ARSG: variants seen among roughly 807,000 people sequenced by gnomAD.
The protein encoded by ARSG is arylsulfatase G.
In ARSG, 37 loss-of-function variants were observed where a neutral mutation model predicts 50.5. The ratio of observed to expected loss-of-function variants is 0.73; its 90% CI spans 0.56 to 0.96. ARSG has a LOEUF of 0.96. Among genes scored for constraint, ARSG ranks in the 50% least tolerant of loss-of-function variants. The probability of loss-of-function intolerance (pLI) is 0.00; values close to 1 mark genes in which losing one functional copy is unlikely to be tolerated. For missense variants in ARSG, 629 were observed against 675.3 expected, an observed-to-expected ratio of 0.93 and a Z score of 0.76; for synonymous variants, 225 against 254.6, an observed-to-expected ratio of 0.88 and a Z score of 1.11.
At chr17:68,433,639 A>C in the ARSG span, 1 of 1,332,266 alleles carries the variant, frequency 7.5e-7, no homozygotes, top group Admixed American at 1.9e-5. Flanking sequence ...CTTATAACTC[A>C]GAGATCAGCT....
downstream of ARSG, chr17:68,427,084 G>T (rs768629032): frequency 6.8e-7 from 1 of 1,469,716 alleles, no homozygotes; most frequent in African/African-American, 1.4e-5. Context: ...GGGAGAAGGG[G>T]AGGGAGGTCA....
At chr17:68,350,601 C>T (rs1268702241) in intron 4 of ARSG, among the ~76,000 whole-genome samples, 2 of 151,694 alleles carry the variant, frequency 1.3e-5, no homozygotes, top group Admixed American at 6.6e-5. Flanking sequence ...CTGGCTAACA[C>T]GGTGAAAACC....
intron 1 of ARSG, among the ~76,000 whole-genome samples, chr17:68,276,917 T>C (rs1555751146): frequency 6.6e-6 from 1 of 152,192 alleles, no homozygotes; most frequent in African/African-American, 2.4e-5. Context: ...TGAAGCCCCA[T>C]TTTATTTTAT....
downstream of ARSG, among the ~76,000 whole-genome samples, chr17:68,425,148 A>C (rs2083075604): frequency 6.6e-6 from 1 of 152,176 alleles, no homozygotes; most frequent in African/African-American, 2.4e-5. Context: ...AACCCAGCTA[A>C]AGGTGCTCGG....
At chr17:68,262,176 A>C (rs117193602) in intron 1 of ARSG, among the ~76,000 whole-genome samples, 49,279 of 149,224 alleles carry the variant, frequency 0.33, 8,311 homozygotes, top group East Asian at 0.51. Flanking sequence ...CAAACAAAAA[A>C]AAAAAAAAGA....
chr17:68,280,179 C>CAAAAAAAAAAAAAAAAAAAAAAAAAAAA (rs58937538), intron 1 of ARSG, among the ~76,000 whole-genome samples: 1 of 87,568 alleles, frequency 1.1e-5, no homozygotes, highest in Admixed American at 1.3e-4. Flanking sequence ...AACTCTGTCT[C>CAAAAAAAAAAAAAAAAAAAAAAAAAAAA]AAAAAAAAAA....
chr17:68,382,822 A>T (rs1260590775), intron 8 of ARSG, among the ~76,000 whole-genome samples: 1 of 152,178 alleles, frequency 6.6e-6, no homozygotes, highest in Admixed American at 6.5e-5. Context: ...AGGTCTGTGG[A>T]CCTGTGATCA....
chr17:68,398,552 G>T (rs527962882), intron 10 of ARSG, among the ~76,000 whole-genome samples: 1 of 152,334 alleles, frequency 6.6e-6, no homozygotes, highest in African/African-American at 2.4e-5. Context: ...ATTCCAATAT[G>T]AGTTGGTTTA....
At chr17:68,280,911 G>A (rs2075674024) in intron 1 of ARSG, among the ~76,000 whole-genome samples, 1 of 152,080 alleles carries the variant, frequency 6.6e-6, no homozygotes, top group Non-Finnish European at 1.5e-5. Flanking sequence ...GATTACCTGA[G>A]CTAAGGCGTT....
chr17:68,381,984 T>C lies in ARSG; in HGVS notation c.983-3080T>C, dbSNP rs2080455373. ...TCCTTTTTTTTTTTTTGACAGAGTCTCTGTCGTGCAGGCTGGAGTGAAGTG... is the reference window on the plus strand; with the variant it reads ...TCCTTTTTTTTTTTTTGACAGAGTCCCTGTCGTGCAGGCTGGAGTGAAGTG... On this transcript the variant is annotated intron_variant, in intron 8 of 11. Coordinates refer to ENST00000621439, the MANE Select transcript of ARSG (RefSeq NM_001267727.2). This position sits in a 1 kb window ranked among gnomAD's most constrained non-coding sequence, Gnocchi z 4.1. Among the ~76,000 whole-genome samples, 1 of 146,080 alleles carries C rather than the reference T, an allele frequency of 6.8e-6. No individual in the cohort carries two copies.
At chr17:68,353,853 T>C (rs1179732099) in intron 5 of ARSG, among the ~76,000 whole-genome samples, 3 of 151,966 alleles carry the variant, frequency 2.0e-5, no homozygotes, top group Non-Finnish European at 4.4e-5. Context: ...AGGCTTGTGT[T>C]ACCATGCCTG....
At chr17:68,382,041 C>T (rs1009583233) in intron 8 of ARSG, among the ~76,000 whole-genome samples, 2 of 151,932 alleles carry the variant, frequency 1.3e-5, no homozygotes, top group Admixed American at 6.6e-5. Flanking sequence ...ACCTCCGCCT[C>T]CCGGGTTCAA....
intron 1 of ARSG, among the ~76,000 whole-genome samples, chr17:68,299,384 C>T (rs2076330115): frequency 6.6e-6 from 1 of 151,944 alleles, no homozygotes; most frequent in African/African-American, 2.4e-5. Context: ...GGATTACAGG[C>T]ATGAGCCACC....
In ARSG at chr17:68,329,472, G is replaced by A. The variant is rs114975219; in HGVS notation, c.219-14132G>A. Among the ~76,000 whole-genome samples the A allele has an allele frequency of 2.2e-3, 332 of 152,304 alleles. 2 individuals carry two copies. Among genetic ancestry groups the A allele is most frequent in the African/African-American group, 7.5e-3 (311 of 41,574 alleles). ...GGGACTGCTTTCCGTGGAGCTGGGC[G>A]GGTAACAGACAGAGCCCACATTGGA... On this transcript the variant is annotated intron_variant, in intron 2 of 11. Coordinates refer to ENST00000621439, the MANE Select transcript of ARSG (RefSeq NM_001267727.2).
Position 68,307,173 on chromosome 17 carries a change from C to G in ARSG, c.-321C>G. ...AAAGAGCAGTTGTTGACATTGATGT[C>G]TAATTATTGAACACGACCAGTCATT... is the stretch of plus-strand genomic sequence containing the variant. On this transcript the variant is annotated 5_prime_UTR_variant, in exon 2 of 12. Coordinates refer to ENST00000621439, the MANE Select transcript of ARSG (RefSeq NM_001267727.2). 2 of 294,308 alleles carry G rather than the reference C, an allele frequency of 6.8e-6. No individual in the cohort carries two copies. The highest frequency in any genetic ancestry group is 1.3e-5 in the Non-Finnish European group (2 of 157,812). 18.2% of individuals were successfully genotyped at this position (294,308 alleles called of 1,614,324 possible). A position where few individuals can be genotyped will look rare whatever the true frequency, so the allele number is the denominator to read the frequency against.
At chr17:68,425,570 C>T (rs947946112), downstream of ARSG, among the ~76,000 whole-genome samples, 5 of 151,890 alleles carry the variant, frequency 3.3e-5, no homozygotes, top group Non-Finnish European at 5.9e-5. Context: ...GCGGGTCTGC[C>T]GGCCAGAGCT....
intron 1 of ARSG, chr17:68,272,623 G>A (rs1317452309): frequency 6.2e-7 from 1 of 1,613,064 alleles, no homozygotes; most frequent in South Asian, 1.1e-5. Flanking sequence ...TACTTAGGCT[G>A]TTGTAGTCCA....
intron 11 of ARSG, among the ~76,000 whole-genome samples, chr17:68,417,589 TG>T (rs1300888554): frequency 6.6e-6 from 1 of 152,010 alleles, no homozygotes; most frequent in Non-Finnish European, 1.5e-5. Flanking sequence ...CTCCTGGCAC[TG>T]GTTCTTGCAG....
the ARSG span, among the ~76,000 whole-genome samples, chr17:68,439,367 G>A: frequency 2.0e-5 from 3 of 152,164 alleles, no homozygotes; most frequent in Non-Finnish European, 4.4e-5. Context: ...TGTGAAAGAA[G>A]TCAGTCACAA....
Sources: gnomAD v4.1 joint callset for allele counts (sites outside exome capture counted in the v4.1 genomes callset) on GRCh38, gnomAD v4.1.1 for gene constraint, Gnocchi (gnomAD v3.1) non-coding constraint, MANE v1.5 for transcripts, NCBI Gene and HGNC (gene_info 2026-07-23, HGNC 2026-07-21) for gene names.